The following JHY variants were observed in gnomAD, a reference collection of about 807,000 sequenced individuals.
JHY encodes jhy protein homolog.
In JHY, 69 loss-of-function variants were observed where a neutral mutation model predicts 78.0. The observed-to-expected ratio is 0.88, with a 90% CI of 0.73 to 1.08. The LOEUF (loss-of-function observed/expected upper bound fraction) is 1.08, where lower values mean the gene tolerates loss of function less well. Among genes scored for constraint, JHY ranks in the 50% least tolerant of loss-of-function variants. JHY has a pLI of 0.00. For missense variants in JHY, 944 were observed against 927.8 expected, an observed-to-expected ratio of 1.02 and a Z score of -0.23; for synonymous variants, 368 against 342.6, an observed-to-expected ratio of 1.07 and a Z score of -0.82.
intron 3 of JHY, among the ~76,000 whole-genome samples, chr11:122,907,851 AG>A (rs1306557604): frequency 2.0e-5 from 3 of 148,254 alleles, no homozygotes; most frequent in East Asian, 4.0e-4. Flanking sequence ...AAAAAAAAAA[AG>A]GTGATTTTTT....
intron 2 of JHY, among the ~76,000 whole-genome samples, chr11:122,888,350 A>C (rs781671428): frequency 3.3e-5 from 5 of 152,220 alleles, no homozygotes; most frequent in Non-Finnish European, 7.3e-5. Context: ...TGCTGGATGG[A>C]TATGACAGTA....
intron 2 of JHY, among the ~76,000 whole-genome samples, chr11:122,903,139 G>C (rs989694786): frequency 2.6e-5 from 4 of 152,304 alleles, no homozygotes; most frequent in East Asian, 3.9e-4. Flanking sequence ...AATATTGTAG[G>C]ACCTCAGTCG....
intron 6 of JHY, among the ~76,000 whole-genome samples, chr11:122,954,743 C>T (rs1864155809): frequency 6.6e-6 from 1 of 152,110 alleles, no homozygotes; most frequent in Admixed American, 6.5e-5. Flanking sequence ...CATGGTGAAA[C>T]CCCATCTCTA....
At chr11:122,953,982 G>A (rs1864144487) in intron 6 of JHY, among the ~76,000 whole-genome samples, 1 of 152,060 alleles carries the variant, frequency 6.6e-6, no homozygotes, top group African/African-American at 2.4e-5. Flanking sequence ...CATCATTTTG[G>A]CCCTTTTAAA....
intron 6 of JHY, among the ~76,000 whole-genome samples, chr11:122,954,166 G>A (rs1461693767): frequency 1.3e-5 from 2 of 152,204 alleles, no homozygotes; most frequent in Non-Finnish European, 2.9e-5. Flanking sequence ...ATCAGAACCA[G>A]TATTGTTGTG....
At position 122,924,973 on chromosome 11, in the gene JHY, C is replaced by G; in HGVS notation, c.941C>G (p.Pro314Arg). 1.1e-5 allele frequency: 18 copies of G among 1,614,036 alleles called. No homozygotes were observed. Among genetic ancestry groups the G allele is most frequent in the Non-Finnish European group, 1.4e-5 (17 of 1,179,924 alleles). The change falls in exon 4 of 9, where the codon CCT (proline) becomes CGT (arginine). Residue 314 changes from proline to arginine, a missense_variant. By Grantham distance (103) the Pro-to-Arg change is moderately radical. Transcript: ENST00000227349. ...AKEMENAAIDPEDKWHQRAQQ... is the reference protein window; with the variant it reads ...AKEMENAAIDREDKWHQRAQQ... ...GAAATGGAAAATGCTGCCATCGATC[C>G]TGAAGATAAATGGCATCAAAGAGCA...
chr11:122,947,985 A>C (rs541783268), intron 6 of JHY, among the ~76,000 whole-genome samples: 23 of 152,268 alleles, frequency 1.5e-4, no homozygotes, highest in African/African-American at 4.8e-4. Flanking sequence ...CAGCAGCTCC[A>C]CGTGGCTGAG....
At chr11:122,889,590 A>AT (rs1289880890) in intron 2 of JHY, among the ~76,000 whole-genome samples, 4 of 152,192 alleles carry the variant, frequency 2.6e-5, no homozygotes, top group South Asian at 4.1e-4. Context: ...CCATCCCTGG[A>AT]TTTTGGTATC....
intron 3 of JHY, chr11:122,905,314 G>T (rs763956048): frequency 1.2e-4 from 191 of 1,593,478 alleles, no homozygotes; most frequent in Middle Eastern, 3.3e-4. Context: ...GACAAGAGTG[G>T]GGTTAGAATG....
rs1862416537 is a variant in JHY at position 122,883,082 on chromosome 11, G to A, written c.-90+110G>A. On this transcript the variant is annotated intron_variant, in intron 1 of 8. Coordinates refer to ENST00000227349, the MANE Select transcript of JHY (RefSeq NM_024806.4). This position sits in a 1 kb window ranked among gnomAD's most constrained non-coding sequence, Gnocchi z 4.4. The stretch of plus-strand genomic sequence containing the variant: ...CAGGAAACCACCCAAGCAAGCTGGG[G>A]AGGAGCCGGCGCGGGAGCCTTCGGG... The A allele has an allele frequency of 6.5e-6, 1 of 152,814 alleles. No individual in the cohort carries two copies. The highest frequency in any genetic ancestry group is 1.5e-5 in the Non-Finnish European group (1 of 68,304). The allele number at this position is 152,814 out of a possible 1,614,324, so 9.5% of individuals were successfully genotyped here.
At chr11:122,914,589 C>T (rs193079245) in intron 3 of JHY, among the ~76,000 whole-genome samples, 9 of 152,040 alleles carry the variant, frequency 5.9e-5, no homozygotes, top group Admixed American at 2.6e-4. Flanking sequence ...GGATTATAGG[C>T]GTCTACCACC....
intron 5 of JHY, among the ~76,000 whole-genome samples, chr11:122,942,480 T>C (rs1477084586): frequency 6.6e-6 from 1 of 151,576 alleles, no homozygotes; most frequent in African/African-American, 2.4e-5. Flanking sequence ...CTGGAGTGCA[T>C]TGGCATGATC....
chr11:122,958,930 T>C, intron 8 of JHY: 1 of 985,204 alleles, frequency 1.0e-6, no homozygotes, highest in African/African-American at 1.7e-5. Context: ...TTACTAAGAC[T>C]TCCGGAAACT....
chr11:122,886,186 A>G lies in JHY; in HGVS notation c.337A>G (p.Asn113Asp). Residue 113 changes from asparagine to aspartate, a missense_variant, in exon 2 of 9, where the codon AAT becomes GAT. Transcript: ENST00000227349. ...QNHHTWDQGA[N>D]NRQQPIEDKY... ...CCACCATACCTGGGACCAGGGCGCC[A>G]ATAACAGGTAAGGAATTGGCTTGTG... is the stretch of plus-strand genomic sequence containing the variant. The G allele has an allele frequency of 6.2e-7, 1 of 1,608,742 alleles. No homozygotes were observed. Among genetic ancestry groups the G allele is most frequent in the Non-Finnish European group, 8.5e-7 (1 of 1,177,152 alleles).
In JHY at chr11:122,917,747, A is replaced by G. The variant is rs2135329597; in HGVS notation, c.865-7150A>G. On this transcript the variant is annotated intron_variant, in intron 3 of 8. Transcript: ENST00000227349. The surrounding 1 kb of genome is among the most constrained non-coding windows in gnomAD (Gnocchi z 4.1). ...TTTTATCTCTAATGTGTCCATTCAG[A>G]GGTCACACTTACATATTCTTAGTTA... Among the ~76,000 whole-genome samples, 1 of 152,310 alleles carries G rather than the reference A, an allele frequency of 6.6e-6. No individual in the cohort carries two copies. The highest frequency in any genetic ancestry group is 2.4e-5 in the African/African-American group (1 of 41,570).
Position 122,905,059 on chromosome 11 carries a change from T to C in JHY, c.864+615T>C, listed in dbSNP as rs1336569139. On this transcript the variant is annotated intron_variant, in intron 3 of 8. Transcript: ENST00000227349. ...TCTTCAGATGTTTCTATAAACCCCA[T>C]TGAAAATCACATCATTTGTTATTGT... 1.4e-5 allele frequency: 12 copies of C among 865,674 alleles called. No homozygotes were observed. In the Admixed American group the frequency reaches 1.7e-4, roughly 12 times the overall value. 53.6% of individuals were successfully genotyped at this position (865,674 alleles called of 1,614,324 possible).
chr11:122,936,608 A>G (rs1863761820), intron 5 of JHY, among the ~76,000 whole-genome samples: 1 of 152,162 alleles, frequency 6.6e-6, no homozygotes, highest in Middle Eastern at 3.2e-3. Context: ...CATTAATTGA[A>G]ACATTTCTCC....
In JHY at chr11:122,960,715, A is replaced by G; in HGVS notation, c.*1270A>G. ...ATTGGAGAATCTGCTTATCAACTCA[A>G]TGAGCAAAACATTGCCCAACTAGAA... On this transcript the variant is annotated 3_prime_UTR_variant, in exon 9 of 9. Transcript: ENST00000227349. 2.3e-6 allele frequency: 1 copy of G among 428,988 alleles called. No homozygotes were observed. Among genetic ancestry groups the G allele is most frequent in the South Asian group, 2.2e-5 (1 of 45,128 alleles). 26.6% of individuals were successfully genotyped at this position (428,988 alleles called of 1,614,324 possible). A position where few individuals can be genotyped will look rare whatever the true frequency, so the allele number is the denominator to read the frequency against.
At chr11:122,956,654 C>G (rs1438586184) in intron 7 of JHY, 78 bp downstream of exon 7, 4 of 1,207,510 alleles carry the variant, frequency 3.3e-6, no homozygotes, top group Non-Finnish European at 4.8e-6. Flanking sequence ...GAAGACGCCC[C>G]CCAGAATTAA....
Sources: gnomAD v4.1 joint callset for allele counts (sites outside exome capture counted in the v4.1 genomes callset) on GRCh38, gnomAD v4.1.1 for gene constraint, Gnocchi (gnomAD v3.1) non-coding constraint, MANE v1.5 for transcripts, NCBI Gene and HGNC (gene_info 2026-07-23, HGNC 2026-07-21) for gene names.